The following RNF19A variants were observed in gnomAD, a reference collection of about 807,000 sequenced individuals.
RNF19A encodes E3 ubiquitin-protein ligase RNF19A.
A neutral mutation model predicts 75.7 loss-of-function variants in RNF19A; 32 were observed. The observed-to-expected ratio is 0.42, with a 90% confidence interval of 0.32 to 0.57. The LOEUF is 0.57. Among genes scored for constraint, RNF19A ranks in the 20% least tolerant of loss-of-function variants. RNF19A has a pLI of 0.10. For missense variants in RNF19A, 782 were observed against 1,036.3 expected, an observed-to-expected ratio of 0.75 and a Z score of 3.37; for synonymous variants, 335 against 345.2, an observed-to-expected ratio of 0.97 and a Z score of 0.33.
In RNF19A at chr8:100,332,557, T is replaced by C. The variant is rs892677670; in HGVS notation, c.-243+3551A>G. Among the ~76,000 whole-genome samples, 5 of 152,238 alleles carry C rather than the reference T, an allele frequency of 3.3e-5. No homozygotes were observed. The highest frequency in any genetic ancestry group is 7.3e-5 in the Non-Finnish European group (5 of 68,042). On this transcript the variant is annotated intron_variant, in intron 1 of 3. Transcript: ENST00000519527. The surrounding 1 kb of genome is among the most constrained non-coding windows in gnomAD (Gnocchi z 4.8). ...TGTGAAAACAGACTAATACAATATC[T>C]ATTGTCCAATTATCCTACAAGTGAT...
Position 100,268,929 on chromosome 8 carries a change from A to G in RNF19A, c.1047T>C (p.Phe349=), listed in dbSNP as rs758966117. ...LHYLSPSGCT[F]WGKKPWSRKK... Reference sequence around the variant, plus strand: ...TTCGGCTCCAGGGTTTCTTCCCCCAAAAAGTACATCCTGATGGACTAACGG... The same window carrying G: ...TTCGGCTCCAGGGTTTCTTCCCCCAGAAAGTACATCCTGATGGACTAACGG... The change falls in exon 5 of 10, where the codon TTT becomes TTC. Residue 349 remains phenylalanine (F), a synonymous_variant. Coordinates refer to ENST00000341084, the MANE Select transcript of RNF19A (RefSeq NM_183419.4). 3.1e-6 allele frequency: 5 copies of G among 1,591,692 alleles called. No individual in the cohort carries two copies. Among genetic ancestry groups the G allele is most frequent in the Non-Finnish European group, 4.3e-6 (5 of 1,167,500 alleles).
Position 100,264,318 on chromosome 8 carries a change from G to T in RNF19A, c.1307-123C>A. The T allele has an allele frequency of 1.2e-6, 1 of 853,454 alleles. No individual in the cohort carries two copies. The highest frequency in any genetic ancestry group is 1.7e-6 in the Non-Finnish European group (1 of 573,326). 52.9% of individuals were successfully genotyped at this position (853,454 alleles called of 1,614,324 possible). A position where few individuals can be genotyped will look rare whatever the true frequency, so the allele number is the denominator to read the frequency against. On this transcript the variant is annotated intron_variant, in intron 6 of 9. Coordinates refer to ENST00000341084, the MANE Select transcript of RNF19A (RefSeq NM_183419.4). The surrounding 1 kb of genome is among the most constrained non-coding windows in gnomAD (Gnocchi z 4.7). ...AAAAGCGCCAGGGTTCTGAAGAGTT[G>T]GCTGGAACATTTGCCAAAAGTAGAT...
Position 100,261,763 on chromosome 8 carries a change from CA to C in RNF19A, c.1469-9del, listed in dbSNP as rs1819729142. 1.2e-6 allele frequency: 2 copies of C among 1,612,652 alleles called. No homozygotes were observed. The highest frequency in any genetic ancestry group is 2.7e-5 in the African/African-American group (2 of 74,868). On this transcript the variant is annotated splice_polypyrimidine_tract_variant and intron_variant, in intron 7 of 9. Coordinates refer to ENST00000341084, the MANE Select transcript of RNF19A (RefSeq NM_183419.4). The surrounding 1 kb of genome is among the most constrained non-coding windows in gnomAD (Gnocchi z 4.4). Reference sequence around the variant, plus strand: ...CTGCTACTGATGTTGTGTCTAAATGCAAATATTCCAAAGAAACTAAGTAAGT... The same window carrying C: ...CTGCTACTGATGTTGTGTCTAAATGCAATATTCCAAAGAAACTAAGTAAGT...
Position 100,269,043 on chromosome 8 carries a change from C to T in RNF19A, c.1029-96G>A, listed in dbSNP as rs1660324. On this transcript the variant is annotated intron_variant, in intron 4 of 9. Transcript: ENST00000341084. This position sits in a 1 kb window ranked among gnomAD's most constrained non-coding sequence, Gnocchi z 5.7. Reference sequence around the variant, plus strand: ...AAACAATGACTATTTTTAAAAACTTCTCATAGTTAGGAGCTTTTTTCCCCT... The same window carrying T: ...AAACAATGACTATTTTTAAAAACTTTTCATAGTTAGGAGCTTTTTTCCCCT... 0.38 allele frequency: 378,354 copies of T among 994,544 alleles called. 74,283 individuals carry two copies. Among genetic ancestry groups the T allele is most frequent in the East Asian group, 0.41 (14,239 of 34,360 alleles). The allele number at this position is 994,544 out of a possible 1,614,324, so 61.6% of individuals were successfully genotyped here. A position where few individuals can be genotyped will look rare whatever the true frequency, so the allele number is the denominator to read the frequency against.
intron 1 of RNF19A, among the ~76,000 whole-genome samples, chr8:100,299,194 T>TTA (rs1353307482): frequency 6.6e-6 from 1 of 152,204 alleles, no homozygotes; most frequent in Non-Finnish European, 1.5e-5. Context: ...ACTAAGGTGA[T>TTA]TAAGACCAGA....
At chr8:100,307,270 G>A (rs1822101597) in intron 1 of RNF19A, among the ~76,000 whole-genome samples, 1 of 152,144 alleles carries the variant, frequency 6.6e-6, no homozygotes. Context: ...ATATAAGTGA[G>A]CAATTCAGAT....
At chr8:100,303,900 G>A (rs1821955540) in intron 1 of RNF19A, among the ~76,000 whole-genome samples, 1 of 151,968 alleles carries the variant, frequency 6.6e-6, no homozygotes, top group Non-Finnish European at 1.5e-5. Context: ...TTGCGTCACT[G>A]CACTCCAGCC....
intron 1 of RNF19A, among the ~76,000 whole-genome samples, chr8:100,321,911 A>G (rs1344951909): frequency 6.6e-6 from 1 of 152,216 alleles, no homozygotes; most frequent in African/African-American, 2.4e-5. Context: ...TCAGTAAACC[A>G]TGCTGTGAAC....
rs1432744229 is a variant in RNF19A, at chr8:100,305,358, CATCA to C, written c.-94+4505_-94+4508del. On this transcript the variant is annotated intron_variant, in intron 1 of 9. Transcript: ENST00000341084. ...ATTCTGTATTTGGCCTCAAAAGACA[CATCA>C]ATCAGTTAGAAAAAGACTACAAAAA... Among the ~76,000 whole-genome samples, 86 of 152,330 alleles carry C rather than the reference CATCA, an allele frequency of 5.6e-4. 1 individual carries two copies. The highest frequency in any genetic ancestry group is 1.2e-4 in the Non-Finnish European group (8 of 68,020).
At chr8:100,280,438 C>T (rs542371471) in intron 2 of RNF19A, among the ~76,000 whole-genome samples, 5 of 152,110 alleles carry the variant, frequency 3.3e-5, no homozygotes, top group African/African-American at 4.8e-5. Flanking sequence ...GAGTTTAGTT[C>T]ACGGCATGTT....
In RNF19A at chr8:100,257,134, C is replaced by T. The variant is rs1464590763; in HGVS notation, c.*1422G>A. The T allele has an allele frequency of 6.6e-6, 1 of 152,474 alleles. No individual in the cohort carries two copies. The highest frequency in any genetic ancestry group is 2.4e-5 in the African/African-American group (1 of 41,382). The allele number at this position is 152,474 out of a possible 1,614,324, so 9.4% of individuals were successfully genotyped here. On this transcript the variant is annotated 3_prime_UTR_variant, in exon 10 of 10. Coordinates refer to ENST00000341084, the MANE Select transcript of RNF19A (RefSeq NM_183419.4). ...CTCATTATTAAACAAAATTGGAATG[C>T]AAACAAATATACAAATACCATAAGC...
chr8:100,276,723 CAAAAAAAAAAAA>C (rs60419107), intron 2 of RNF19A, among the ~76,000 whole-genome samples: 1 of 80,596 alleles, frequency 1.2e-5, no homozygotes, highest in African/African-American at 4.0e-5. Context: ...ACCACTGTAC[CAAAAAAAAAAAA>C]AAAAAAAAGA....
At chr8:100,295,862 C>CT (rs1018459510) in intron 1 of RNF19A, among the ~76,000 whole-genome samples, 3 of 152,246 alleles carry the variant, frequency 2.0e-5, no homozygotes, top group African/African-American at 7.2e-5. Flanking sequence ...ATCACTTTCT[C>CT]TTAACAGAGA....
At chr8:100,295,095 T>C (rs1315171047) in intron 1 of RNF19A, among the ~76,000 whole-genome samples, 1 of 152,192 alleles carries the variant, frequency 6.6e-6, no homozygotes, top group Non-Finnish European at 1.5e-5. Context: ...CATTTAAGCA[T>C]TGAACAGATA....
rs1332661830 is a variant in RNF19A, at chr8:100,284,630, TTTGAG to T, written c.674+2866_674+2870del. On this transcript the variant is annotated intron_variant, in intron 2 of 9. Transcript: ENST00000341084. This position sits in a 1 kb window ranked among gnomAD's most constrained non-coding sequence, Gnocchi z 4.3. ...TTCTATTATTTTATGATATTTTATA[TTTGAG>T]TTAACATTTGAATTATCATCTCTAA... Among the ~76,000 whole-genome samples the T allele has an allele frequency of 2.0e-5, 3 of 152,134 alleles. No homozygotes were observed.
chr8:100,265,834 A>G (rs1037240580), intron 5 of RNF19A, among the ~76,000 whole-genome samples: 46 of 152,164 alleles, frequency 3.0e-4, no homozygotes, highest in African/African-American at 1.1e-3. Context: ...AGCATTGACT[A>G]GAGGTTCCTT....
chr8:100,276,893 A>G (rs1482347967), intron 2 of RNF19A, among the ~76,000 whole-genome samples: 1 of 152,116 alleles, frequency 6.6e-6, no homozygotes, highest in African/African-American at 2.4e-5. Flanking sequence ...AGGAAATTTG[A>G]GTGAGATTGG....
upstream of RNF19A, chr8:100,313,400 T>C: frequency 5.5e-6 from 4 of 729,072 alleles, no homozygotes; most frequent in Non-Finnish European, 6.7e-6. Flanking sequence ...GGCAAACTAG[T>C]TAGGAGGTGG....
chr8:100,275,443 G>A lies in RNF19A; in HGVS notation c.675-282C>T, dbSNP rs1394647300. Among the ~76,000 whole-genome samples the A allele has an allele frequency of 6.6e-6, 1 of 151,392 alleles. No individual in the cohort carries two copies. Among genetic ancestry groups the A allele is most frequent in the African/African-American group, 2.4e-5 (1 of 41,176 alleles). On this transcript the variant is annotated intron_variant, in intron 2 of 9. Coordinates refer to ENST00000341084, the MANE Select transcript of RNF19A (RefSeq NM_183419.4). This position sits in a 1 kb window ranked among gnomAD's most constrained non-coding sequence, Gnocchi z 4.3. ...TTAGATTCAGGGGGTACATGTGCAA[G>A]TTTGTTACATAGGTCTATTGCATGA...
Sources: gnomAD v4.1 joint callset for allele counts (sites outside exome capture counted in the v4.1 genomes callset) on GRCh38, gnomAD v4.1.1 for gene constraint, Gnocchi (gnomAD v3.1) non-coding constraint, MANE v1.5 for transcripts, NCBI Gene and HGNC (gene_info 2026-07-23, HGNC 2026-07-21) for gene names.